Variants in C3orf20 observed in about 807,000 individuals in gnomAD.
C3orf20 encodes the protein uncharacterized protein C3orf20.
Under a neutral mutation model 88.3 loss-of-function variants are expected in C3orf20, and 76 were observed. That is an observed-to-expected ratio of 0.86 (90% CI 0.72 to 1.04). The LOEUF (loss-of-function observed/expected upper bound fraction) is 1.04. Among genes scored for constraint, C3orf20 ranks in the 50% least tolerant of loss-of-function variants. The probability of loss-of-function intolerance (pLI) is 0.00; values close to 1 mark genes in which losing one functional copy is unlikely to be tolerated. For synonymous variants in C3orf20, 436 were observed against 437.4 expected, an observed-to-expected ratio of 1.00 and a Z score of 0.04; for missense variants, 1,056 against 1,123.3, an observed-to-expected ratio of 0.94 and a Z score of 0.86.
At chr3:14,717,238 G>A (rs755894838) in intron 9 of C3orf20, among the ~76,000 whole-genome samples, 1 of 152,288 alleles carries the variant, frequency 6.6e-6, no homozygotes, top group East Asian at 1.9e-4. Context: ...ATGACATAGC[G>A]GAGGGAAAAG....
chr3:14,688,690 A>G (rs1309210604), intron 4 of C3orf20, among the ~76,000 whole-genome samples: 2 of 152,046 alleles, frequency 1.3e-5, no homozygotes, highest in Non-Finnish European at 2.9e-5. Context: ...GTTGACGACA[A>G]TATCATTAAT....
At chr3:14,682,374 C>T (rs2032136694) in intron 2 of C3orf20, 43 bp downstream of exon 2, 1 of 228,522 alleles carries the variant, frequency 4.4e-6, no homozygotes, top group African/African-American at 2.3e-5. Context: ...TTCCATTCCT[C>T]CAGCCCCCCC....
In C3orf20 at chr3:14,683,247, G is replaced by A. The variant is rs762164253; in HGVS notation, c.484+50G>A. ...TGCCCACCACACCCACTACAGACGG[G>A]CGTCTCAGAGGCACATGCTGGGAAC... On this transcript the variant is annotated intron_variant, in intron 3 of 16. Transcript: ENST00000253697. The A allele has an allele frequency of 7.3e-6, 11 of 1,515,234 alleles. No homozygotes were observed. In the African/African-American group the frequency reaches 1.5e-4, roughly 21 times the overall value. 93.9% of individuals were successfully genotyped at this position (1,515,234 alleles called of 1,614,324 possible). A position where few individuals can be genotyped will look rare whatever the true frequency, so the allele number is the denominator to read the frequency against.
At chr3:14,707,540 G>C (rs1397718922) in intron 7 of C3orf20, among the ~76,000 whole-genome samples, 5 of 150,566 alleles carry the variant, frequency 3.3e-5, no homozygotes, top group African/African-American at 1.2e-4. Flanking sequence ...CCTTGTTCAT[G>C]TTTAGATTGA....
chr3:14,725,675 A>G (rs1442363117), intron 10 of C3orf20, among the ~76,000 whole-genome samples: 1 of 152,198 alleles, frequency 6.6e-6, no homozygotes, highest in Non-Finnish European at 1.5e-5. Context: ...TCCTGCCTTC[A>G]GCATAAAGAA....
chr3:14,761,615 G>C lies in C3orf20; in HGVS notation c.2495G>C (p.Ser832Thr). ...GYFLPDDYKF[S>T]VPNSVLSLED... ...TTCCTGCCGGATGACTACAAATTCAGGTAAAACAGGAAACACGCAGGATGA... is the reference window on the plus strand; with the variant it reads ...TTCCTGCCGGATGACTACAAATTCACGTAAAACAGGAAACACGCAGGATGA... The change falls in exon 15 of 17, where the codon AGT (serine) becomes ACT (threonine). Residue 832 changes from serine (S) to threonine (T), a missense_variant and splice_region_variant. Transcript: ENST00000253697. The C allele has an allele frequency of 6.2e-7, 1 of 1,613,928 alleles. No homozygotes were observed. The highest frequency in any genetic ancestry group is 8.5e-7 in the Non-Finnish European group (1 of 1,179,940).
intron 10 of C3orf20, among the ~76,000 whole-genome samples, chr3:14,723,215 A>G (rs890002633): frequency 3.3e-5 from 5 of 152,228 alleles, no homozygotes; most frequent in African/African-American, 1.2e-4. Flanking sequence ...ACTGTATGCC[A>G]CAAGCTTACA....
At chr3:14,746,445 C>A (rs572273922) in intron 12 of C3orf20, among the ~76,000 whole-genome samples, 18 of 152,274 alleles carry the variant, frequency 1.2e-4, no homozygotes, top group Non-Finnish European at 1.8e-4. Flanking sequence ...GGCTCTTGTG[C>A]CCCAACTGTT....
chr3:14,727,764 C>CT (rs1235815707), intron 11 of C3orf20, among the ~76,000 whole-genome samples: 4 of 151,990 alleles, frequency 2.6e-5, no homozygotes, highest in African/African-American at 9.7e-5. Flanking sequence ...TTTATTTTTT[C>CT]TTTTTTTTCC....
intron 12 of C3orf20, among the ~76,000 whole-genome samples, chr3:14,729,145 G>A (rs1400657591): frequency 1.3e-5 from 2 of 152,206 alleles, no homozygotes; most frequent in African/African-American, 4.8e-5. Context: ...GGTCAGGCCT[G>A]CAAAGTCTCA....
In C3orf20 at chr3:14,715,270, A is replaced by G; in HGVS notation, c.1314-19A>G. The G allele has an allele frequency of 3.1e-6, 5 of 1,607,260 alleles. No individual in the cohort carries two copies. Among genetic ancestry groups the G allele is most frequent in the Non-Finnish European group, 4.2e-6 (5 of 1,176,952 alleles). On this transcript the variant is annotated intron_variant, in intron 8 of 16. Transcript: ENST00000253697. ...TTCAGGGGCCCGGTGGCAGCTACTC[A>G]CTTCTGTATCTCTCCTAGTTGCCCA...
intron 3 of C3orf20, 47 bp downstream of exon 3, chr3:14,683,244 C>T (rs377516760): frequency 2.1e-5 from 32 of 1,517,166 alleles, no homozygotes; most frequent in African/African-American, 1.1e-4. Context: ...CCACTACAGA[C>T]GGGCGTCTCA....
At chr3:14,681,330 A>G (rs1437884784) in intron 1 of C3orf20, among the ~76,000 whole-genome samples, 1 of 152,256 alleles carries the variant, frequency 6.6e-6, no homozygotes, top group African/African-American at 2.4e-5. Context: ...GAAAAGGGAA[A>G]GGGAGCATTG....
chr3:14,702,131 G>A (rs1052901678), intron 5 of C3orf20, among the ~76,000 whole-genome samples: 18 of 152,132 alleles, frequency 1.2e-4, no homozygotes, highest in African/African-American at 4.1e-4. Context: ...ACTTCAGTTC[G>A]ACATAGCTGA....
At chr3:14,684,665 A>G (rs1368904920) in intron 4 of C3orf20, among the ~76,000 whole-genome samples, 1 of 152,212 alleles carries the variant, frequency 6.6e-6, no homozygotes, top group Non-Finnish European at 1.5e-5. Context: ...AGCTACGTGC[A>G]GTGAAGGACT....
chr3:14,676,283 T>A (rs1361012143), intron 1 of C3orf20, among the ~76,000 whole-genome samples: 2 of 152,088 alleles, frequency 1.3e-5, no homozygotes, highest in Non-Finnish European at 2.9e-5. Flanking sequence ...TGCAAGTGAG[T>A]CTGGTAACTG....
intron 7 of C3orf20, 77 bp downstream of exon 7, chr3:14,704,695 A>G (rs966894617): frequency 7.2e-6 from 11 of 1,536,692 alleles, no homozygotes; most frequent in Admixed American, 1.8e-5. Context: ...TACAGCCTAA[A>G]TGTTTCCTTG....
Position 14,701,843 on chromosome 3 carries a change from T to G in C3orf20, c.746-1287T>G, listed in dbSNP as rs536640936. Reference sequence around the variant, plus strand: ...GGGAGACATGGCCAGTCTCATCACTTTGCACAAGTCAGTCCCTGACACATC... The same window carrying G: ...GGGAGACATGGCCAGTCTCATCACTGTGCACAAGTCAGTCCCTGACACATC... On this transcript the variant is annotated intron_variant, in intron 5 of 16. Transcript: ENST00000253697. The surrounding 1 kb of genome is among the most constrained non-coding windows in gnomAD (Gnocchi z 4.6). Among the ~76,000 whole-genome samples the G allele has an allele frequency of 6.6e-6, 1 of 152,194 alleles. No individual in the cohort carries two copies. Among genetic ancestry groups the G allele is most frequent in the Non-Finnish European group, 1.5e-5 (1 of 68,032 alleles).
chr3:14,722,270 C>T, intron 10 of C3orf20: 1 of 334,342 alleles, frequency 3.0e-6, no homozygotes, highest in Non-Finnish European at 5.9e-6. Context: ...GTTTCCTAAA[C>T]ACTCCAGTAG....
Sources: allele counts gnomAD v4.1 joint callset (sites outside exome capture counted in the v4.1 genomes callset), GRCh38; gene constraint gnomAD v4.1.1; non-coding constraint Gnocchi (gnomAD v3.1); transcripts MANE v1.5; gene names NCBI Gene and HGNC (gene_info 2026-07-23, HGNC 2026-07-21).